UBE3D: variants seen among roughly 807,000 people sequenced by gnomAD.
UBE3D encodes the protein E3 ubiquitin-protein ligase E3D.
In UBE3D, 48 loss-of-function variants were observed where a neutral mutation model predicts 49.6. The observed-to-expected ratio is 0.97, with a 90% confidence interval of 0.77 to 1.23. The LOEUF is 1.23. Among genes scored for constraint, UBE3D ranks in the 50% most tolerant of loss-of-function variants. The pLI, the probability that UBE3D is intolerant of heterozygous loss-of-function variation, is 0.00. For synonymous variants in UBE3D, 189 were observed against 174.2 expected (o/e 1.08, Z -0.67); for missense variants, 452 against 468.4 (o/e 0.96, Z 0.32).
At chr6:82,884,590 A>C in the UBE3D span, among the ~76,000 whole-genome samples, 1 of 152,192 alleles carries the variant, frequency 6.6e-6, no homozygotes, top group African/African-American at 2.4e-5. Context: ...CTCAAATATT[A>C]GATCCTAATT....
At chr6:82,940,592 G>A (rs1310688617) in intron 9 of UBE3D, among the ~76,000 whole-genome samples, 1 of 152,170 alleles carries the variant, frequency 6.6e-6, no homozygotes, top group South Asian at 2.1e-4. Context: ...AAATTCTAGG[G>A]AGTGCCTGCC....
chr6:82,999,507 C>A (rs1371171414), intron 8 of UBE3D, among the ~76,000 whole-genome samples: 2 of 152,290 alleles, frequency 1.3e-5, no homozygotes, highest in East Asian at 3.9e-4. Flanking sequence ...GTCTTAGCCT[C>A]CCAAGTAGCT....
intron 9 of UBE3D, among the ~76,000 whole-genome samples, chr6:82,948,571 C>T (rs1313661570): frequency 1.3e-5 from 2 of 151,858 alleles, no homozygotes; most frequent in African/African-American, 2.4e-5. Context: ...AAAAAGAAAA[C>T]TACAAGCCAA....
At chr6:83,032,121 G>A (rs1781919726) in intron 5 of UBE3D, 2 of 449,886 alleles carry the variant, frequency 4.4e-6, no homozygotes, top group South Asian at 3.2e-5. Context: ...GGAGCTGTGA[G>A]AAGAGGGTCA....
At chr6:83,010,959 A>G (rs1484709966) in intron 8 of UBE3D, among the ~76,000 whole-genome samples, 1 of 152,190 alleles carries the variant, frequency 6.6e-6, no homozygotes, top group Non-Finnish European at 1.5e-5. Flanking sequence ...GTTTATACTT[A>G]GTATTAACCA....
chr6:82,950,869 G>T (rs145933994), intron 9 of UBE3D, among the ~76,000 whole-genome samples: 1,578 of 152,118 alleles, frequency 0.01, 13 homozygotes, highest in Admixed American at 0.018. Flanking sequence ...GACAAACTTT[G>T]CATGTTCTCA....
chr6:82,994,193 G>A (rs1026950449), intron 8 of UBE3D, among the ~76,000 whole-genome samples: 17 of 152,254 alleles, frequency 1.1e-4, no homozygotes, highest in African/African-American at 4.1e-4. Context: ...TAATACATTT[G>A]TTAGTGAAGA....
intron 5 of UBE3D, 23 bp downstream of exon 5, chr6:83,038,393 G>C (rs747674688): frequency 5.3e-5 from 85 of 1,596,038 alleles, no homozygotes; most frequent in South Asian, 3.5e-4. Flanking sequence ...AATCATTTTG[G>C]CTTCTTGTTA....
chr6:83,054,065 G>T, intron 3 of UBE3D, 83 bp downstream of exon 3: 1 of 1,189,130 alleles, frequency 8.4e-7, no homozygotes, highest in Non-Finnish European at 1.2e-6. Flanking sequence ...CTACTCCATT[G>T]GCAATTACTT....
chr6:82,910,296 T>C (rs1272063174), intron 9 of UBE3D, among the ~76,000 whole-genome samples: 1 of 152,210 alleles, frequency 6.6e-6, no homozygotes, highest in East Asian at 1.9e-4. Flanking sequence ...TATGAGGTCT[T>C]GTACACAGAA....
chr6:82,995,124 G>A (rs1779147429), intron 8 of UBE3D, among the ~76,000 whole-genome samples: 1 of 152,122 alleles, frequency 6.6e-6, no homozygotes, highest in Admixed American at 6.6e-5. Flanking sequence ...AAAAGAAAGA[G>A]GAAAGGGAAG....
chr6:83,055,516 T>C (rs1008508047), intron 2 of UBE3D, among the ~76,000 whole-genome samples: 1 of 152,196 alleles, frequency 6.6e-6, no homozygotes, highest in African/African-American at 2.4e-5. Flanking sequence ...AAAATATTTT[T>C]TCCAGACCCA....
intron 4 of UBE3D, among the ~76,000 whole-genome samples, chr6:83,041,184 A>C (rs1782646239): frequency 6.6e-6 from 1 of 152,252 alleles, no homozygotes; most frequent in African/African-American, 2.4e-5. Context: ...TTTGAAGCAG[A>C]AAATTTTTTT....
At chr6:82,984,460 G>T (rs1022657957) in intron 8 of UBE3D, among the ~76,000 whole-genome samples, 1 of 152,148 alleles carries the variant, frequency 6.6e-6, no homozygotes, top group African/African-American at 2.4e-5. Flanking sequence ...AAATGCACAT[G>T]TAATTTTTGC....
At chr6:83,049,680 A>T in intron 3 of UBE3D, 1 of 454,206 alleles carries the variant, frequency 2.2e-6, no homozygotes, top group Non-Finnish European at 4.6e-6. Context: ...CCCTCATGAG[A>T]TCTAGGCTGA....
At chr6:82,893,118 A>T in intron 9 of UBE3D, 76 bp from the exon 10 acceptor site, 2 of 1,557,282 alleles carry the variant, frequency 1.3e-6, no homozygotes. Flanking sequence ...TCAAATCAGA[A>T]TCAGGTTAAG....
chr6:82,950,099 T>C (rs1370797748), intron 9 of UBE3D, among the ~76,000 whole-genome samples: 1 of 152,168 alleles, frequency 6.6e-6, no homozygotes, highest in Non-Finnish European at 1.5e-5. Context: ...GAACGATACA[T>C]TTGCACACTA....
chr6:82,980,410 C>T (rs984371228), intron 8 of UBE3D, among the ~76,000 whole-genome samples: 1 of 151,988 alleles, frequency 6.6e-6, no homozygotes, highest in Non-Finnish European at 1.5e-5. Flanking sequence ...ATGTCCTTTG[C>T]CCACTTTTTA....
chr6:82,974,438 C>T (rs1777573017), intron 8 of UBE3D, among the ~76,000 whole-genome samples: 2 of 152,156 alleles, frequency 1.3e-5, no homozygotes, highest in African/African-American at 2.4e-5. Flanking sequence ...ATATAACCTG[C>T]ACATATCCTC....
Sources: gnomAD v4.1 joint callset for allele counts (sites outside exome capture counted in the v4.1 genomes callset) on GRCh38, gnomAD v4.1.1 for gene constraint, MANE v1.5 for transcripts, NCBI Gene and HGNC (gene_info 2026-07-23, HGNC 2026-07-21) for gene names.